Variants in RYR1 observed in about 807,000 individuals in gnomAD.
RYR1 encodes the protein central core disease of muscle.
Under a neutral mutation model 583.5 loss-of-function variants are expected in RYR1, and 342 were observed. The observed-to-expected ratio is 0.59, with a 90% CI of 0.54 to 0.64. The LOEUF (loss-of-function observed/expected upper bound fraction) is 0.64, where lower values mean the gene tolerates loss of function less well. RYR1 is among the 30% of genes least tolerant of loss of function. The probability of loss-of-function intolerance (pLI) is 0.00; values close to 1 mark genes in which losing one functional copy is unlikely to be tolerated. For synonymous variants in RYR1, 2,791 were observed against 2,822.5 expected, an observed-to-expected ratio of 0.99 and a Z score of 0.35; for missense variants, 6,032 against 6,917.2, an observed-to-expected ratio of 0.87 and a Z score of 4.54.
rs569173087 is a variant in RYR1, at chr19:38,523,403, T to C, written c.10440+94T>C. ...GGCCTGTCCTCACCCAGCCAGCCCG[T>C]CCTGGGCGCAATCCCTGCAGTCCTC... On this transcript the variant is annotated intron_variant, in intron 69 of 105. Coordinates refer to ENST00000359596, the MANE Select transcript of RYR1 (RefSeq NM_000540.3). 12 of 1,454,384 alleles carry C rather than the reference T, an allele frequency of 8.3e-6. No individual in the cohort carries two copies. In the East Asian group the frequency reaches 2.7e-4, roughly 33 times the overall value. The allele number at this position is 1,454,384 out of a possible 1,614,324, so 90.1% of individuals were successfully genotyped here. A position where few individuals can be genotyped will look rare whatever the true frequency, so the allele number is the denominator to read the frequency against.
chr19:38,546,403 GGTGTATGCT>G, intron 87 of RYR1, 33 bp from the exon 88 acceptor site: 1 of 1,549,276 alleles, frequency 6.5e-7, no homozygotes. Flanking sequence ...AGGTGGGGGA[GGTGTATGCT>G]GAGACCAGCC....
At chr19:38,531,430 C>G in intron 76 of RYR1, among the ~76,000 whole-genome samples, 1 of 151,816 alleles carries the variant, frequency 6.6e-6, no homozygotes, top group East Asian at 1.9e-4. Context: ...ATATACAAGG[C>G]ACCTAGAACA....
rs747927825 is a variant in RYR1 at position 38,532,559 on chromosome 19, T to G, written c.11193+18T>G. The G allele has an allele frequency of 6.8e-6, 11 of 1,613,896 alleles. No individual in the cohort carries two copies. The highest frequency in any genetic ancestry group is 9.3e-6 in the Non-Finnish European group (11 of 1,179,948). Reference sequence around the variant, plus strand: ...TGGCAAAGGTGAGGCCCTACCCCCCTCTTCTGGGGCAGATTTCCCTCTCCC... The same window carrying G: ...TGGCAAAGGTGAGGCCCTACCCCCCGCTTCTGGGGCAGATTTCCCTCTCCC... On this transcript the variant is annotated intron_variant, in intron 77 of 105. Coordinates refer to ENST00000359596, the MANE Select transcript of RYR1 (RefSeq NM_000540.3).
chr19:38,490,688 G>A lies in RYR1; in HGVS notation c.6083G>A (p.Arg2028Gln), dbSNP rs747050942. Residue 2028 changes from arginine (R) to glutamine (Q), a missense_variant, in exon 37 of 106, where the codon CGA becomes CAA. Transcript: ENST00000359596. ...EEDCPLPEEIRQDLLDFHQDL... is the reference protein window; with the variant it reads ...EEDCPLPEEIQQDLLDFHQDL... ...GACTGTCCTCTCCCTGAAGAGATTCGACAGGATTTGCTTGACTTTCATCAA... is the reference window on the plus strand; with the variant it reads ...GACTGTCCTCTCCCTGAAGAGATTCAACAGGATTTGCTTGACTTTCATCAA... The A allele has an allele frequency of 6.2e-6, 10 of 1,613,840 alleles. No individual in the cohort carries two copies. The highest frequency in any genetic ancestry group is 4.5e-5 in the East Asian group (2 of 44,900).
chr19:38,583,073 G>A (rs1401792783), intron 101 of RYR1, among the ~76,000 whole-genome samples: 1 of 152,094 alleles, frequency 6.6e-6, no homozygotes. Context: ...AAGGCAGGTG[G>A]ATCATCTGAG....
Position 38,543,383 on chromosome 19 carries a change from C to G in RYR1, c.11726C>G (p.Thr3909Arg). Residue 3909 changes from threonine (T) to arginine (R), a missense_variant, in exon 85 of 106, where the codon ACG becomes AGG. By Grantham distance (71) the Thr-to-Arg change is moderately conservative. Coordinates refer to ENST00000359596, the MANE Select transcript of RYR1 (RefSeq NM_000540.3). The surrounding 1 kb of genome is among the most constrained non-coding windows in gnomAD (Gnocchi z 4.4). ...TACCTACGGACACAGACAGGGAACACGACCACTATTAACATCATCATTTGC... is the reference window on the plus strand; with the variant it reads ...TACCTACGGACACAGACAGGGAACAGGACCACTATTAACATCATCATTTGC... ...QNYLRTQTGN[T>R]TTINIIICTV... 1 of 1,614,222 alleles carries G rather than the reference C, an allele frequency of 6.2e-7. No homozygotes were observed. The highest frequency in any genetic ancestry group is 8.5e-7 in the Non-Finnish European group (1 of 1,180,042).
chr19:38,544,773 T>C (rs1371878844), intron 87 of RYR1, among the ~76,000 whole-genome samples: 2 of 152,136 alleles, frequency 1.3e-5, no homozygotes, highest in Non-Finnish European at 2.9e-5. Context: ...TTCTAGAGAG[T>C]GTTGGTATCA....
chr19:38,579,762 G>C (rs973043143), intron 99 of RYR1, among the ~76,000 whole-genome samples: 1 of 152,108 alleles, frequency 6.6e-6, no homozygotes, highest in African/African-American at 2.4e-5. Flanking sequence ...GGCTCCCTCA[G>C]TGTGCCCTTA....
intron 88 of RYR1, 74 bp downstream of exon 88, chr19:38,546,600 C>T (rs564082830): frequency 1.3e-5 from 16 of 1,194,124 alleles, no homozygotes; most frequent in South Asian, 2.4e-5. Context: ...CCCTGAGACC[C>T]GGGAGACCCT....
intron 71 of RYR1, among the ~76,000 whole-genome samples, chr19:38,526,128 C>A (rs939741198): frequency 5.9e-5 from 9 of 152,012 alleles, no homozygotes; most frequent in African/African-American, 2.2e-4. Flanking sequence ...GGGACTGTAC[C>A]CAAACCTCTG....
chr19:38,583,032 C>A (rs940122740), intron 101 of RYR1, among the ~76,000 whole-genome samples: 2 of 152,136 alleles, frequency 1.3e-5, no homozygotes, highest in Non-Finnish European at 2.9e-5. Context: ...CGCTGTGGCT[C>A]ACGCTTTTAA....
chr19:38,573,274 A>T lies in RYR1; in HGVS notation c.14096A>T (p.Lys4699Met), dbSNP rs1432142067. 1.2e-6 allele frequency: 2 copies of T among 1,613,970 alleles called. No individual in the cohort carries two copies. Among genetic ancestry groups the T allele is most frequent in the Admixed American group, 1.7e-5 (1 of 60,004 alleles). Residue 4699 changes from lysine (K) to methionine (M), a missense_variant, in exon 96 of 106, where the codon AAG (lysine) becomes ATG (methionine). Physicochemically the swap from Lys to Met is moderately conservative, Grantham distance 95. Coordinates refer to ENST00000359596, the MANE Select transcript of RYR1 (RefSeq NM_000540.3). Reference sequence around the variant, plus strand: ...GAGCAGCCTGAGGACGATGACGTGAAGGGGCAGTGGGACCGACTGGTGCTC... The same window carrying T: ...GAGCAGCCTGAGGACGATGACGTGATGGGGCAGTGGGACCGACTGGTGCTC... Reference protein sequence around the residue: ...ITEQPEDDDVKGQWDRLVLNT... With the variant: ...ITEQPEDDDVMGQWDRLVLNT...
rs758856448 is a variant in RYR1, at chr19:38,486,123, G to C, written c.5468G>C (p.Gly1823Ala). ...RMLGEAVRDG[G>A]QHARDPVGGS... ...CTGGGGGAGGCGGTGCGCGACGGTG[G>C]GCAGCACGCTCGCGACCCCGTCGGG... The change falls in exon 34 of 106, where the codon GGG becomes GCG. Residue 1823 changes from glycine (G) to alanine (A), a missense_variant. By Grantham distance (60) the Gly-to-Ala change is moderately conservative (BLOSUM62 0). Around this residue, in one of 11 missense-constraint regions of RYR1, gnomAD observed 2,627 missense variants for 2,961.3 expected, o/e 0.89. Transcript: ENST00000359596. The C allele has an allele frequency of 6.2e-7, 1 of 1,613,166 alleles. No homozygotes were observed. The highest frequency in any genetic ancestry group is 1.7e-5 in the Admixed American group (1 of 60,010).
intron 48 of RYR1, 69 bp downstream of exon 48, chr19:38,502,796 G>GGCAGGGGCAGGGGCAGGGGGAGGA (rs1970230059): frequency 2.3e-5 from 24 of 1,044,752 alleles, no homozygotes; most frequent in African/African-American, 9.5e-5. Flanking sequence ...CAGGGGCAGG[G>GGCAGGGGCAGGGGCAGGGGGAGGA]GCAGGGGCAG....
intron 25 of RYR1, among the ~76,000 whole-genome samples, chr19:38,468,693 T>C (rs1192752143): frequency 6.6e-6 from 1 of 152,206 alleles, no homozygotes; most frequent in Admixed American, 6.5e-5. Flanking sequence ...ACTACCACTT[T>C]GGTGGTCTGC....
intron 76 of RYR1, 28 bp from the exon 77 acceptor site, chr19:38,532,462 C>T (rs1266782075): frequency 6.2e-7 from 1 of 1,613,902 alleles, no homozygotes; most frequent in East Asian, 2.2e-5. Context: ...CCACCGGGTC[C>T]TGACCACTCC....
rs764090645 is a variant in RYR1, at chr19:38,483,071, C to A, written c.4665C>A (p.Pro1555=). The change falls in exon 32 of 106, where the codon CCC becomes CCA. Residue 1555 remains proline, a synonymous_variant. Coordinates refer to ENST00000359596, the MANE Select transcript of RYR1 (RefSeq NM_000540.3). This position sits in a 1 kb window ranked among gnomAD's most constrained non-coding sequence, Gnocchi z 6.3. ...TKLFPAVFVL[P]THQNVIQFEL... is the part of the protein sequence containing the mutation. ...TATTTCCTGCCGTCTTCGTCCTGCC[C>A]ACCCACCAGAACGTCATCCAGTTTG... The A allele has an allele frequency of 1.2e-6, 2 of 1,614,138 alleles. No homozygotes were observed. The highest frequency in any genetic ancestry group is 1.7e-6 in the Non-Finnish European group (2 of 1,180,020).
chr19:38,467,780 G>T lies in RYR1; in HGVS notation c.3349G>T (p.Asp1117Tyr), dbSNP rs751779810. The change falls in exon 25 of 106, where the codon GAC (aspartate) becomes TAC (tyrosine). Residue 1117 changes from aspartate (D) to tyrosine (Y), a missense_variant. By Grantham distance (160) the Asp-to-Tyr change is radical. Coordinates refer to ENST00000359596, the MANE Select transcript of RYR1 (RefSeq NM_000540.3). ...ELRPDVELGA[D>Y]ELAYVFNGHR... ...GAGGCCTGATGTAGAGCTGGGAGCTGACGAGCTGGCCTATGTCTTCAATGG... is the reference window on the plus strand; with the variant it reads ...GAGGCCTGATGTAGAGCTGGGAGCTTACGAGCTGGCCTATGTCTTCAATGG... 1 of 1,614,162 alleles carries T rather than the reference G, an allele frequency of 6.2e-7. No homozygotes were observed. Among genetic ancestry groups the T allele is most frequent in the South Asian group, 1.1e-5 (1 of 91,078 alleles).
chr19:38,572,693 C>T (rs1485543087), intron 95 of RYR1, among the ~76,000 whole-genome samples: 2 of 152,006 alleles, frequency 1.3e-5, no homozygotes, highest in South Asian at 2.1e-4. Flanking sequence ...CCCCAGGTGG[C>T]ATCAGGCACC....
Sources: allele counts gnomAD v4.1 joint callset (sites outside exome capture counted in the v4.1 genomes callset), GRCh38; gene constraint gnomAD v4.1.1; regional missense constraint gnomAD v4.1.1; non-coding constraint Gnocchi (gnomAD v3.1); transcripts MANE v1.5; gene names NCBI Gene and HGNC (gene_info 2026-07-23, HGNC 2026-07-21).